Variants in ITFG2 observed in about 807,000 individuals in gnomAD.
ITFG2 encodes the protein KICSTOR complex protein ITFG2.
In ITFG2, 36 loss-of-function variants were observed where a neutral mutation model predicts 54.4. The observed-to-expected ratio is 0.66, with a 90% CI of 0.51 to 0.87. The LOEUF (loss-of-function observed/expected upper bound fraction) is 0.87, where lower values mean the gene tolerates loss of function less well. ITFG2 is among the 40% of genes least tolerant of loss of function. The pLI is 0.00. For synonymous variants in ITFG2, 211 were observed against 225.4 expected (o/e 0.94, Z 0.57); for missense variants, 524 against 576.7 (o/e 0.91, Z 0.94).
intron 2 of ITFG2, among the ~76,000 whole-genome samples, chr12:2,846,035 C>T (rs764114799): frequency 6.6e-6 from 1 of 152,100 alleles, no homozygotes; most frequent in African/African-American, 2.4e-5. Context: ...TCCCCAGGCC[C>T]GGAAGGTCGC....
At chr12:2,830,627 A>G (rs1340720464) in intron 2 of ITFG2, 9 of 1,428,654 alleles carry the variant, frequency 6.3e-6, no homozygotes, top group Middle Eastern at 2.0e-4. Context: ...CTCTCCCATC[A>G]GGGCAGAGCA....
At chr12:2,837,539 A>G (rs986651001) in intron 1 of ITFG2, among the ~76,000 whole-genome samples, 5 of 152,186 alleles carry the variant, frequency 3.3e-5, no homozygotes, top group African/African-American at 4.8e-5. Flanking sequence ...TGGGAGGCTG[A>G]GGCAGGAGAA....
intron 2 of ITFG2, chr12:2,848,967 C>T: frequency 2.1e-6 from 1 of 471,744 alleles, no homozygotes; most frequent in Non-Finnish European, 3.8e-6. Flanking sequence ...CCTGTTCTCC[C>T]TGCTCTACCC....
intron 6 of ITFG2, 28 bp from the exon 7 acceptor site, chr12:2,821,234 G>T (rs370096770): frequency 2.6e-6 from 4 of 1,565,258 alleles, no homozygotes; most frequent in Non-Finnish European, 3.5e-6. Flanking sequence ...TTGGTCTCCC[G>T]CTTGATCCGT....
chr12:2,835,289 G>A (rs537497502), upstream of ITFG2, among the ~76,000 whole-genome samples: 153 of 152,232 alleles, frequency 1.0e-3, no homozygotes, highest in African/African-American at 3.5e-3. Flanking sequence ...CTGTGTGGGG[G>A]CAGCAGCCTT....
At position 2,820,882 on chromosome 12, in the gene ITFG2, T is replaced by C. The variant is rs368011279; in HGVS notation, c.695+10T>C. The C allele has an allele frequency of 4.3e-6, 7 of 1,613,294 alleles. No individual in the cohort carries two copies. The highest frequency in any genetic ancestry group is 5.9e-6 in the Non-Finnish European group (7 of 1,179,692). On this transcript the variant is annotated intron_variant, in intron 6 of 11. Coordinates refer to ENST00000228799, the MANE Select transcript of ITFG2 (RefSeq NM_018463.4). Reference sequence around the variant, plus strand: ...CCACGGATGGTAGTAGGTAAGGGGGTACAGGCCAGTGGATGGTGTGGGGGT... The same window carrying C: ...CCACGGATGGTAGTAGGTAAGGGGGCACAGGCCAGTGGATGGTGTGGGGGT...
intron 2 of ITFG2, among the ~76,000 whole-genome samples, chr12:2,843,950 A>G (rs1489717338): frequency 6.7e-6 from 1 of 148,942 alleles, no homozygotes; most frequent in African/African-American, 2.5e-5. Flanking sequence ...AGTTTGAATG[A>G]GACAGAATAG....
At chr12:2,859,247 G>A (rs2098102474) in intron 3 of ITFG2, 2 of 1,613,804 alleles carry the variant, frequency 1.2e-6, no homozygotes, top group African/African-American at 2.7e-5. Flanking sequence ...CCTCTGAGAA[G>A]AGCAGCTCCG....
downstream of ITFG2, chr12:2,826,132 G>T (rs541867820): frequency 2.6e-5 from 4 of 151,056 alleles, no homozygotes; most frequent in Non-Finnish European, 5.9e-5. Flanking sequence ...GGGATCTGGC[G>T]TCTTAAGGTT....
intron 2 of ITFG2, chr12:2,857,380 C>T (rs976747127): frequency 3.0e-6 from 1 of 334,990 alleles, no homozygotes; most frequent in East Asian, 6.2e-5. Context: ...GGGCCCTACC[C>T]CTCGTGAGCT....
chr12:2,826,513 A>G (rs1277514287), downstream of ITFG2: 2 of 152,268 alleles, frequency 1.3e-5, no homozygotes, highest in African/African-American at 2.4e-5. Context: ...ATAAATACCT[A>G]TAGCGTTAAT....
At chr12:2,854,795 G>A (rs940629208) in intron 2 of ITFG2, 36 of 1,234,378 alleles carry the variant, frequency 2.9e-5, no homozygotes, top group Non-Finnish European at 3.4e-5. Context: ...TGGCCAGAGC[G>A]GGGAAGGACA....
chr12:2,830,950 T>TCCCCCCCCCCCC (rs544510879), downstream of ITFG2: 2 of 1,383,858 alleles, frequency 1.4e-6, no homozygotes, highest in African/African-American at 3.0e-5. Flanking sequence ...CCCAGGATGC[T>TCCCCCCCCCCCC]CCCCCCACCC....
chr12:2,843,272 TCTC>T (rs2098045745), intron 2 of ITFG2, among the ~76,000 whole-genome samples: 1 of 152,078 alleles, frequency 6.6e-6, no homozygotes. Context: ...TTTCCAGAAT[TCTC>T]CTGTCCAGCA....
At chr12:2,848,877 G>GCA (rs3056877) in intron 2 of ITFG2, among the ~76,000 whole-genome samples, 39,465 of 140,042 alleles carry the variant, frequency 0.28, 5,508 homozygotes, top group Admixed American at 0.34. Flanking sequence ...ACACACACAC[G>GCA]CACACACACA....
intron 2 of ITFG2, among the ~76,000 whole-genome samples, chr12:2,849,897 A>G (rs879389293): frequency 1.3e-5 from 2 of 152,228 alleles, no homozygotes; most frequent in Admixed American, 1.3e-4. Flanking sequence ...CAACTGGATA[A>G]CTGCCTCTTC....
At chr12:2,821,123 A>T in intron 6 of ITFG2, 139 bp from the exon 7 acceptor site, 1 of 760,004 alleles carries the variant, frequency 1.3e-6, no homozygotes, top group South Asian at 1.8e-5. Context: ...TCTGTTTGCC[A>T]CATGGGCCAG....
intron 2 of ITFG2, chr12:2,849,210 T>C: frequency 6.6e-7 from 1 of 1,525,774 alleles, no homozygotes; most frequent in South Asian, 1.2e-5. Context: ...GGTATCACGA[T>C]CGTCCCCTCT....
intron 2 of ITFG2, among the ~76,000 whole-genome samples, chr12:2,848,494 C>T (rs537509825): frequency 4.3e-4 from 65 of 152,318 alleles, no homozygotes; most frequent in Non-Finnish European, 7.6e-4. Flanking sequence ...CACACCCTTC[C>T]CCCACAGGTA....
Sources: allele counts gnomAD v4.1 joint callset (sites outside exome capture counted in the v4.1 genomes callset), GRCh38; gene constraint gnomAD v4.1.1; transcripts MANE v1.5; gene names NCBI Gene and HGNC (gene_info 2026-07-23, HGNC 2026-07-21).